Variants in SUCLG2 observed in about 807,000 individuals in gnomAD.
SUCLG2 encodes succinate--CoA ligase [GDP-forming] subunit beta, mitochondrial.
Under a neutral mutation model 47.9 loss-of-function variants are expected in SUCLG2, and 42 were observed. The ratio of observed to expected loss-of-function variants is 0.88; its 90% CI spans 0.69 to 1.14. SUCLG2 has a LOEUF of 1.14. SUCLG2 is among the 50% of genes most tolerant of loss of function. The pLI is 0.00. For synonymous variants in SUCLG2, 195 were observed against 197.3 expected (o/e 0.99, Z 0.10); for missense variants, 571 against 525.9 (o/e 1.09, Z -0.84).
intron 1 of SUCLG2, among the ~76,000 whole-genome samples, chr3:67,649,480 G>A (rs149531808): frequency 0.015 from 2,267 of 152,148 alleles, 23 homozygotes; most frequent in South Asian, 0.04. Flanking sequence ...TGAATTCTGG[G>A]CTTTCTGAAG....
chr3:67,592,748 A>C (rs1338647932), intron 2 of SUCLG2, among the ~76,000 whole-genome samples: 1 of 150,830 alleles, frequency 6.6e-6, no homozygotes, highest in Non-Finnish European at 1.5e-5. Flanking sequence ...AACAAAAAAA[A>C]ACTGAATATC....
At chr3:67,430,571 A>C (rs1405064819) in intron 9 of SUCLG2, among the ~76,000 whole-genome samples, 1 of 152,228 alleles carries the variant, frequency 6.6e-6, no homozygotes. Context: ...CACATTCAAA[A>C]GCTAGCAGAA....
intron 2 of SUCLG2, among the ~76,000 whole-genome samples, chr3:67,532,484 T>G (rs973324590): frequency 2.6e-5 from 4 of 152,160 alleles, no homozygotes; most frequent in Non-Finnish European, 5.9e-5. Flanking sequence ...GGACTCTGAG[T>G]TGGTATAACT....
chr3:67,587,017 G>A (rs1708039654), intron 2 of SUCLG2, among the ~76,000 whole-genome samples: 1 of 152,106 alleles, frequency 6.6e-6, no homozygotes, highest in Non-Finnish European at 1.5e-5. Context: ...AATGTATCCA[G>A]TCTTGAACAC....
chr3:67,581,409 G>T (rs891109583), intron 2 of SUCLG2, among the ~76,000 whole-genome samples: 1 of 152,224 alleles, frequency 6.6e-6, no homozygotes, highest in Non-Finnish European at 1.5e-5. Context: ...TGGAAGGTCT[G>T]TCAATGAGAA....
intron 1 of SUCLG2, among the ~76,000 whole-genome samples, chr3:67,618,181 G>A (rs764958612): frequency 8.5e-5 from 13 of 152,086 alleles, no homozygotes; most frequent in Non-Finnish European, 1.6e-4. Context: ...AAGCATTTTG[G>A]GAGGCCAAGG....
intron 9 of SUCLG2, among the ~76,000 whole-genome samples, chr3:67,449,587 C>G (rs1309079939): frequency 6.7e-6 from 1 of 149,870 alleles, no homozygotes; most frequent in Non-Finnish European, 1.5e-5. Flanking sequence ...TGCACACTAT[C>G]TGTTTGCTAT....
At position 67,397,682 on chromosome 3, in the gene SUCLG2, A is replaced by G. The variant is rs180940147; in HGVS notation, c.1183+3049T>C. Reference sequence around the variant, plus strand: ...TGGAAAAAACTACTTTAAAGTTCATATGGAACCAAAAAAGAGCCAGCATTG... The same window carrying G: ...TGGAAAAAACTACTTTAAAGTTCATGTGGAACCAAAAAAGAGCCAGCATTG... On this transcript the variant is annotated intron_variant, in intron 10 of 10. Transcript: ENST00000307227. 5.9e-3 allele frequency among the ~76,000 whole-genome samples: 903 copies of G among 152,292 alleles called. 9 individuals carry two copies. Among genetic ancestry groups the G allele is most frequent in the African/African-American group, 0.021 (853 of 41,572 alleles).
Position 67,398,155 on chromosome 3 carries a change from C to A in SUCLG2, c.1183+2576G>T, listed in dbSNP as rs909174749. On this transcript the variant is annotated intron_variant, in intron 10 of 10. Transcript: ENST00000307227. ...ACACCAAAAGCAATGGCAACAAAAG[C>A]CAAAATTGACAAATGGGATCTAATT... Among the ~76,000 whole-genome samples the A allele has an allele frequency of 7.2e-4, 108 of 150,150 alleles. 7 individuals are homozygous for A. The highest frequency in any genetic ancestry group is 2.6e-3 in the African/African-American group (108 of 40,840).
chr3:67,455,859 T>C (rs1276432574), intron 9 of SUCLG2, among the ~76,000 whole-genome samples: 1 of 152,184 alleles, frequency 6.6e-6, no homozygotes, highest in Non-Finnish European at 1.5e-5. Context: ...ATTCCAGGTC[T>C]TTACCTCCAT....
intron 2 of SUCLG2, among the ~76,000 whole-genome samples, chr3:67,567,076 C>T (rs936747296): frequency 1.3e-5 from 2 of 151,814 alleles, no homozygotes; most frequent in African/African-American, 4.8e-5. Context: ...CCCAGCTACT[C>T]GGAAGGCTAA....
chr3:67,493,137 G>A (rs558263226), intron 9 of SUCLG2, among the ~76,000 whole-genome samples: 10 of 152,232 alleles, frequency 6.6e-5, no homozygotes, highest in South Asian at 6.2e-4. Context: ...AGGTGGACAC[G>A]AAATAATTAC....
intron 2 of SUCLG2, among the ~76,000 whole-genome samples, chr3:67,570,021 C>T (rs1707564980): frequency 6.6e-6 from 1 of 152,068 alleles, no homozygotes; most frequent in Non-Finnish European, 1.5e-5. Flanking sequence ...TAAAATAAAG[C>T]CATTAGGAAG....
At position 67,506,543 on chromosome 3, in the gene SUCLG2, C is replaced by G. The variant is rs574593326; in HGVS notation, c.757+2264G>C. Among the ~76,000 whole-genome samples the G allele has an allele frequency of 5.3e-5, 8 of 152,270 alleles. No homozygotes were observed. The South Asian group carries it at 1.7e-3, about 32-fold the overall frequency. ...TAAAAATCAAACTTCAGACTCATGACGTTTTATAAACACAGTCTAAGAAAA... is the reference window on the plus strand; with the variant it reads ...TAAAAATCAAACTTCAGACTCATGAGGTTTTATAAACACAGTCTAAGAAAA... On this transcript the variant is annotated intron_variant, in intron 7 of 10. Transcript: ENST00000307227.
intron 9 of SUCLG2, among the ~76,000 whole-genome samples, chr3:67,462,267 C>G (rs949647272): frequency 2.0e-5 from 3 of 152,110 alleles, no homozygotes; most frequent in South Asian, 4.2e-4. Context: ...AATCTCCCCC[C>G]ACTTTTCTGA....
chr3:67,434,637 A>T (rs1387739652), intron 9 of SUCLG2, among the ~76,000 whole-genome samples: 1 of 152,250 alleles, frequency 6.6e-6, no homozygotes, highest in Admixed American at 6.5e-5. Context: ...GGATGAGAGA[A>T]GGGGAAGGCC....
At chr3:67,648,985 G>A (rs1814519) in intron 1 of SUCLG2, among the ~76,000 whole-genome samples, 52,477 of 151,994 alleles carry the variant, frequency 0.35, 9,291 homozygotes, top group Non-Finnish European at 0.36. Context: ...GACGGCCAAT[G>A]AACAAATAAC....
In SUCLG2 at chr3:67,624,805, A is replaced by C. The variant is rs573225795; in HGVS notation, c.85-15209T>G. On this transcript the variant is annotated intron_variant, in intron 1 of 10. Transcript: ENST00000307227. ...CTTTAAAATAATCCCTGAAAAAAAAATTTATACCCAAGTGCAGAATGCACG... is the reference window on the plus strand; with the variant it reads ...CTTTAAAATAATCCCTGAAAAAAAACTTTATACCCAAGTGCAGAATGCACG... Among the ~76,000 whole-genome samples, 30 of 152,374 alleles carry C rather than the reference A, an allele frequency of 2.0e-4. No homozygotes were observed. In the East Asian group the frequency reaches 3.7e-3, roughly 19 times the overall value.
At chr3:67,477,248 G>C (rs1393268060) in intron 9 of SUCLG2, among the ~76,000 whole-genome samples, 1 of 152,122 alleles carries the variant, frequency 6.6e-6, no homozygotes, top group African/African-American at 2.4e-5. Context: ...GGTATGTGGA[G>C]TGCTGAAAAC....
Sources: allele counts gnomAD v4.1 joint callset (sites outside exome capture counted in the v4.1 genomes callset), GRCh38; gene constraint gnomAD v4.1.1; transcripts MANE v1.5; gene names NCBI Gene and HGNC (gene_info 2026-07-23, HGNC 2026-07-21).